Variants in PTPRT observed in about 807,000 individuals in gnomAD.
PTPRT encodes receptor-type tyrosine-protein phosphatase T.
Under a neutral mutation model 176.8 loss-of-function variants are expected in PTPRT, and 56 were observed. The ratio of observed to expected loss-of-function variants is 0.32; its 90% confidence interval spans 0.26 to 0.40. The LOEUF (loss-of-function observed/expected upper bound fraction) is 0.40, where lower values mean the gene tolerates loss of function less well. Ranked by LOEUF, PTPRT falls within the 10% of genes least tolerant of loss-of-function variation. The pLI is 1.00. For missense variants in PTPRT, 1,540 were observed against 1,908.2 expected (o/e 0.81, Z 3.60); for synonymous variants, 783 against 739.0 (o/e 1.06, Z -0.96).
chr20:42,644,155 G>A (rs760110998), intron 7 of PTPRT, among the ~76,000 whole-genome samples: 1 of 152,084 alleles, frequency 6.6e-6, no homozygotes, highest in Non-Finnish European at 1.5e-5. Context: ...GCCTTCAACA[G>A]GCTGTGCAGG....
chr20:43,128,952 C>A (rs1300868906), intron 1 of PTPRT, among the ~76,000 whole-genome samples: 1 of 152,218 alleles, frequency 6.6e-6, no homozygotes, highest in Non-Finnish European at 1.5e-5. Context: ...AAGTTATACA[C>A]ACATATATGT....
chr20:42,817,480 T>C (rs2077809070), intron 2 of PTPRT, among the ~76,000 whole-genome samples: 1 of 151,310 alleles, frequency 6.6e-6, no homozygotes. Flanking sequence ...AATTAAATTG[T>C]GATATGAAAA....
At chr20:43,019,819 G>T (rs936180965) in intron 1 of PTPRT, among the ~76,000 whole-genome samples, 1 of 151,780 alleles carries the variant, frequency 6.6e-6, no homozygotes, top group Non-Finnish European at 1.5e-5. Flanking sequence ...CCAGAGCCAG[G>T]AGCGTTTCTT....
intron 7 of PTPRT, among the ~76,000 whole-genome samples, chr20:42,614,165 A>C (rs1177938299): frequency 1.3e-5 from 2 of 152,074 alleles, no homozygotes; most frequent in Non-Finnish European, 2.9e-5. Flanking sequence ...CTTGGCTTGC[A>C]GAAGCATCAC....
intron 1 of PTPRT, among the ~76,000 whole-genome samples, chr20:43,156,590 C>A (rs748288652): frequency 6.6e-6 from 1 of 152,110 alleles, no homozygotes; most frequent in Non-Finnish European, 1.5e-5. Context: ...TCCTGAGACC[C>A]CACCCCACCA....
intron 13 of PTPRT, among the ~76,000 whole-genome samples, chr20:42,278,045 G>A (rs1398023201): frequency 1.9e-5 from 2 of 104,278 alleles, no homozygotes; most frequent in Admixed American, 1.2e-4. Context: ...AGTCTAGCAG[G>A]GAGATAGACA....
At chr20:42,374,668 G>A (rs1162696414) in intron 9 of PTPRT, among the ~76,000 whole-genome samples, 1 of 152,072 alleles carries the variant, frequency 6.6e-6, no homozygotes, top group East Asian at 1.9e-4. Context: ...ACCAATGGGG[G>A]GAAAAGAGAT....
intron 15 of PTPRT, among the ~76,000 whole-genome samples, chr20:42,215,922 C>T (rs1216474734): frequency 6.6e-6 from 1 of 152,214 alleles, no homozygotes; most frequent in African/African-American, 2.4e-5. Context: ...TGAACTCTGT[C>T]TCCTGAAGGC....
At chr20:42,690,559 C>A (rs909862692) in intron 6 of PTPRT, among the ~76,000 whole-genome samples, 11 of 152,068 alleles carry the variant, frequency 7.2e-5, no homozygotes, top group African/African-American at 2.7e-4. Context: ...GGTGAGTCTC[C>A]CCTTGACCTC....
At chr20:42,541,338 A>T (rs1172757773) in intron 7 of PTPRT, among the ~76,000 whole-genome samples, 2 of 152,168 alleles carry the variant, frequency 1.3e-5, no homozygotes, top group Non-Finnish European at 2.9e-5. Context: ...ATATTCAAGC[A>T]TACTTTACAT....
intron 7 of PTPRT, among the ~76,000 whole-genome samples, chr20:42,655,088 C>A (rs2075101573): frequency 6.6e-6 from 1 of 152,078 alleles, no homozygotes; most frequent in Non-Finnish European, 1.5e-5. Flanking sequence ...AGGTCCATTT[C>A]AATGGACCAA....
chr20:42,447,899 G>C (rs2076081), intron 9 of PTPRT, among the ~76,000 whole-genome samples: 74,226 of 152,028 alleles, frequency 0.49, 19,125 homozygotes, highest in African/African-American at 0.65. Context: ...CGAACTTTCA[G>C]TACTGTTTGC....
At chr20:42,363,228 A>G (rs6102806) in intron 9 of PTPRT, among the ~76,000 whole-genome samples, 2,118 of 139,032 alleles carry the variant, frequency 0.015, 62 homozygotes, top group African/African-American at 0.052. Context: ...AGCCAAAGGC[A>G]CACCCCTCCA....
At chr20:42,945,364 A>T (rs1206685623) in intron 1 of PTPRT, among the ~76,000 whole-genome samples, 1 of 152,170 alleles carries the variant, frequency 6.6e-6, no homozygotes, top group Non-Finnish European at 1.5e-5. Context: ...TGGATAGTTT[A>T]TCTCTGTTCT....
chr20:42,305,154 A>G (rs535629502), intron 12 of PTPRT, among the ~76,000 whole-genome samples: 3 of 151,992 alleles, frequency 2.0e-5, no homozygotes, highest in Non-Finnish European at 2.9e-5. Context: ...GCAGTTCGAG[A>G]CCAGCTTGGT....
At chr20:42,721,694 A>C (rs1054882701) in intron 6 of PTPRT, among the ~76,000 whole-genome samples, 2 of 152,228 alleles carry the variant, frequency 1.3e-5, no homozygotes, top group African/African-American at 4.8e-5. Context: ...TTCCCTTGTC[A>C]TTCCTATCAT....
At chr20:42,769,056 TG>T (rs1182948788) in intron 5 of PTPRT, among the ~76,000 whole-genome samples, 1 of 152,226 alleles carries the variant, frequency 6.6e-6, no homozygotes. Flanking sequence ...CTAATACACT[TG>T]AACACTAATC....
chr20:43,113,667 C>T (rs2012949092), intron 1 of PTPRT, among the ~76,000 whole-genome samples: 1 of 152,088 alleles, frequency 6.6e-6, no homozygotes, highest in Non-Finnish European at 1.5e-5. Context: ...AAACAAGAGG[C>T]AAAACTCAAG....
At chr20:42,102,370 C>A in intron 25 of PTPRT, 73 bp from the exon 26 acceptor site, 1 of 1,500,960 alleles carries the variant, frequency 6.7e-7, no homozygotes, top group South Asian at 1.2e-5. Flanking sequence ...CAGTAATGTT[C>A]CAACTCAGCC....
Sources: gnomAD v4.1 joint callset for allele counts (sites outside exome capture counted in the v4.1 genomes callset) on GRCh38, gnomAD v4.1.1 for gene constraint, MANE v1.5 for transcripts, NCBI Gene and HGNC (gene_info 2026-07-23, HGNC 2026-07-21) for gene names.